Variants in PTPRG observed in about 807,000 individuals in gnomAD.
The protein encoded by PTPRG is protein tyrosine phosphatase receptor type G.
In PTPRG, 102 loss-of-function variants were observed where a neutral mutation model predicts 165.3. The observed-to-expected ratio is 0.62, with a 90% CI of 0.53 to 0.73. The LOEUF (loss-of-function observed/expected upper bound fraction) is 0.73. Ranked by LOEUF, PTPRG falls within the 30% of genes least tolerant of loss-of-function variation. The probability of loss-of-function intolerance (pLI) is 0.00; values close to 1 mark genes in which losing one functional copy is unlikely to be tolerated. For missense variants in PTPRG, 1,866 were observed against 1,861.4 expected (o/e 1.00, Z -0.05); for synonymous variants, 675 against 669.5 (o/e 1.01, Z -0.13).
chr3:61,711,401 T>C (rs1202345246), intron 1 of PTPRG, among the ~76,000 whole-genome samples: 2 of 152,230 alleles, frequency 1.3e-5, no homozygotes, highest in East Asian at 3.8e-4. Context: ...GTGTAAAGTG[T>C]TCCTATTTCT....
chr3:62,281,276 A>C (rs1215850639), intron 26 of PTPRG, among the ~76,000 whole-genome samples: 2 of 152,032 alleles, frequency 1.3e-5, no homozygotes, highest in Non-Finnish European at 2.9e-5. Context: ...TACTATGTCA[A>C]TATTACAGAA....
chr3:62,068,135 A>G (rs1200847853), intron 4 of PTPRG, among the ~76,000 whole-genome samples: 1 of 152,200 alleles, frequency 6.6e-6, no homozygotes, highest in Non-Finnish European at 1.5e-5. Context: ...TCTGTATAAA[A>G]TAGGAAAAAT....
chr3:61,601,395 T>C (rs1356600927), intron 1 of PTPRG, among the ~76,000 whole-genome samples: 2 of 152,242 alleles, frequency 1.3e-5, no homozygotes, highest in Admixed American at 6.5e-5. Flanking sequence ...TGAAACACTG[T>C]AGAATGTGGG....
In PTPRG at chr3:62,296,797, C is replaced by T. The variant is rs1223312942; in HGVS notation, c.*3490C>T. 5 of 151,890 alleles carry T rather than the reference C, an allele frequency of 3.3e-5. No homozygotes were observed. Among genetic ancestry groups the T allele is most frequent in the Non-Finnish European group, 7.4e-5 (5 of 67,934 alleles). The allele number at this position is 151,890 out of a possible 1,614,324, so 9.4% of individuals were successfully genotyped here. A position where few individuals can be genotyped will look rare whatever the true frequency, so the allele number is the denominator to read the frequency against. ...AAGGAATTGTAATAATGATATTTGG[C>T]CTCTACTTTGTCTTAGCTGTTAAAC... On this transcript the variant is annotated 3_prime_UTR_variant, in exon 30 of 30. Coordinates refer to ENST00000474889, the MANE Select transcript of PTPRG (RefSeq NM_002841.4).
At chr3:61,802,041 G>C (rs996275265) in intron 2 of PTPRG, among the ~76,000 whole-genome samples, 1 of 129,956 alleles carries the variant, frequency 7.7e-6, no homozygotes, top group African/African-American at 3.0e-5. Context: ...AAAAAAAAAA[G>C]ACTCAGTGTT....
Position 62,276,645 on chromosome 3 carries a change from T to A in PTPRG, c.3560-327T>A, listed in dbSNP as rs553413671. On this transcript the variant is annotated intron_variant, in intron 24 of 29. Transcript: ENST00000474889. ...AGGACAAAGTATATGTTGGTATAAT[T>A]GTAGGAATAACAAACTAGAGTCAAA... The A allele has an allele frequency of 1.8e-4, 50 of 272,256 alleles. No individual in the cohort carries two copies. The East Asian group carries it at 3.8e-3, about 20-fold the overall frequency. 16.9% of individuals were successfully genotyped at this position (272,256 alleles called of 1,614,324 possible).
chr3:62,169,748 G>T (rs1181808993), intron 8 of PTPRG, among the ~76,000 whole-genome samples: 1 of 152,172 alleles, frequency 6.6e-6, no homozygotes, highest in Non-Finnish European at 1.5e-5. Flanking sequence ...TAAAGGGAGA[G>T]CTTGTGTCAT....
chr3:62,205,962 C>T (rs1700220130), intron 12 of PTPRG, among the ~76,000 whole-genome samples: 1 of 152,066 alleles, frequency 6.6e-6, no homozygotes, highest in South Asian at 2.1e-4. Flanking sequence ...TGGCTTGGAC[C>T]AGTGTGTTTT....
intron 5 of PTPRG, among the ~76,000 whole-genome samples, chr3:62,100,999 A>G (rs577321709): frequency 6.6e-6 from 1 of 152,260 alleles, no homozygotes; most frequent in Non-Finnish European, 1.5e-5. Flanking sequence ...AAAATGCTAA[A>G]GGAACATGTT....
At chr3:61,927,538 G>A (rs1388693228) in intron 2 of PTPRG, among the ~76,000 whole-genome samples, 1 of 152,202 alleles carries the variant, frequency 6.6e-6, no homozygotes, top group Non-Finnish European at 1.5e-5. Flanking sequence ...GTGTGGGCCA[G>A]AAGCCTCTAT....
chr3:61,960,900 G>A (rs1387657799), intron 2 of PTPRG, among the ~76,000 whole-genome samples: 1 of 152,110 alleles, frequency 6.6e-6, no homozygotes, highest in Non-Finnish European at 1.5e-5. Flanking sequence ...TATAGAGACT[G>A]GGCTCAAATC....
intron 2 of PTPRG, among the ~76,000 whole-genome samples, chr3:61,859,882 G>C (rs776547421): frequency 6.6e-6 from 1 of 152,138 alleles, no homozygotes; most frequent in Non-Finnish European, 1.5e-5. Flanking sequence ...CCCATCTGCT[G>C]TATATTTATA....
intron 2 of PTPRG, among the ~76,000 whole-genome samples, chr3:61,906,317 G>T (rs1302797966): frequency 2.0e-5 from 3 of 151,816 alleles, no homozygotes; most frequent in Non-Finnish European, 2.9e-5. Context: ...TTAGCCGGGT[G>T]TGATGGTGTG....
chr3:61,577,480 A>T (rs985656027), intron 1 of PTPRG, among the ~76,000 whole-genome samples: 2 of 152,228 alleles, frequency 1.3e-5, no homozygotes, highest in Admixed American at 1.3e-4. Flanking sequence ...AGTGTAAAAT[A>T]TACACCAGAT....
At chr3:61,813,629 T>C (rs2107222890) in intron 2 of PTPRG, among the ~76,000 whole-genome samples, 1 of 149,746 alleles carries the variant, frequency 6.7e-6, no homozygotes, top group Non-Finnish European at 1.5e-5. Context: ...CATGAAGAGT[T>C]CTAGATGCCT....
At chr3:62,185,115 G>T (rs1240378361) in intron 8 of PTPRG, among the ~76,000 whole-genome samples, 1 of 152,134 alleles carries the variant, frequency 6.6e-6, no homozygotes, top group South Asian at 2.1e-4. Context: ...TGCTCTGCTA[G>T]AAGACTCTTC....
intron 10 of PTPRG, among the ~76,000 whole-genome samples, chr3:62,199,973 G>A (rs1256996436): frequency 2.0e-5 from 3 of 152,140 alleles, no homozygotes; most frequent in South Asian, 2.1e-4. Flanking sequence ...GCTTGAGGAC[G>A]TTATGCTAAG....
At chr3:61,898,002 A>G (rs1488809734) in intron 2 of PTPRG, among the ~76,000 whole-genome samples, 2 of 151,898 alleles carry the variant, frequency 1.3e-5, no homozygotes, top group Admixed American at 1.3e-4. Flanking sequence ...AAACAGAGAT[A>G]GTTTTATTTC....
intron 1 of PTPRG, among the ~76,000 whole-genome samples, chr3:61,567,482 GGCAACATAGGGAGACCCT>G (rs1037345394): frequency 6.6e-6 from 1 of 151,888 alleles, no homozygotes; most frequent in Non-Finnish European, 1.5e-5. Context: ...GACCAGCCAG[GGCAACATAGGGAGACCCT>G]GCCTCTACAG....
Sources: allele counts gnomAD v4.1 joint callset (sites outside exome capture counted in the v4.1 genomes callset), GRCh38; gene constraint gnomAD v4.1.1; transcripts MANE v1.5; gene names NCBI Gene and HGNC (gene_info 2026-07-23, HGNC 2026-07-21).